Variants in ATRNL1 observed in about 807,000 individuals in gnomAD.
ATRNL1 encodes attractin-like protein 1.
A neutral mutation model predicts 182.7 loss-of-function variants in ATRNL1; 95 were observed. That is an observed-to-expected ratio of 0.52 (90% confidence interval 0.44 to 0.62). The LOEUF (loss-of-function observed/expected upper bound fraction) is 0.62, where lower values mean the gene tolerates loss of function less well. Among genes scored for constraint, ATRNL1 ranks in the 20% least tolerant of loss-of-function variants. ATRNL1 has a pLI of 0.00. For synonymous variants in ATRNL1, 576 were observed against 568.3 expected, an observed-to-expected ratio of 1.01 and a Z score of -0.19; for missense variants, 1,471 against 1,679.5, an observed-to-expected ratio of 0.88 and a Z score of 2.17.
At chr10:115,394,899 A>C in intron 20 of ATRNL1, 147 bp downstream of exon 20, 1 of 637,822 alleles carries the variant, frequency 1.6e-6, no homozygotes, top group Non-Finnish European at 2.7e-6. Context: ...TTGAGGGTAC[A>C]TGTGCAGGTT....
intron 25 of ATRNL1, among the ~76,000 whole-genome samples, chr10:115,534,060 C>G (rs1190117994): frequency 6.6e-6 from 1 of 151,596 alleles, no homozygotes; most frequent in African/African-American, 2.4e-5. Flanking sequence ...TGGTGTGGTG[C>G]TGAAAAAAAT....
intron 19 of ATRNL1, among the ~76,000 whole-genome samples, chr10:115,373,403 A>G (rs1857496767): frequency 6.6e-6 from 1 of 152,038 alleles, no homozygotes; most frequent in Non-Finnish European, 1.5e-5. Context: ...ATTATGTTGA[A>G]TAGAAGTGGT....
intron 27 of ATRNL1, among the ~76,000 whole-genome samples, chr10:115,832,836 A>G (rs1208495548): frequency 6.6e-6 from 1 of 152,032 alleles, no homozygotes; most frequent in Non-Finnish European, 1.5e-5. Context: ...TTTATCTGAT[A>G]CTCACACCTG....
chr10:115,669,870 G>A (rs1555040841), intron 26 of ATRNL1, among the ~76,000 whole-genome samples: 1 of 152,020 alleles, frequency 6.6e-6, no homozygotes, highest in Non-Finnish European at 1.5e-5. Flanking sequence ...ATTCCCAGCT[G>A]AATGTAAAAA....
intron 26 of ATRNL1, among the ~76,000 whole-genome samples, chr10:115,656,412 T>C (rs2133892655): frequency 6.6e-6 from 1 of 152,320 alleles, no homozygotes; most frequent in East Asian, 1.9e-4. Context: ...ATTCTCTGGC[T>C]ACTCCAGTTT....
At chr10:115,754,710 T>C (rs141222174) in intron 27 of ATRNL1, among the ~76,000 whole-genome samples, 18 of 152,138 alleles carry the variant, frequency 1.2e-4, no homozygotes, top group African/African-American at 4.1e-4. Context: ...GTGAAGAAAG[T>C]CATTGGTAGC....
intron 28 of ATRNL1, among the ~76,000 whole-genome samples, chr10:115,887,304 A>G (rs1186847503): frequency 1.3e-5 from 2 of 152,180 alleles, no homozygotes; most frequent in African/African-American, 4.8e-5. Context: ...AAAATATTAC[A>G]AAATATCATA....
intron 28 of ATRNL1, among the ~76,000 whole-genome samples, chr10:115,910,220 G>A (rs1395539032): frequency 6.6e-5 from 10 of 152,192 alleles, no homozygotes; most frequent in Non-Finnish European, 1.5e-4. Flanking sequence ...AAGCCACAAG[G>A]TCAGAGGAAA....
intron 24 of ATRNL1, among the ~76,000 whole-genome samples, chr10:115,512,149 C>T (rs571680409): frequency 5.3e-4 from 81 of 151,930 alleles, no homozygotes; most frequent in African/African-American, 1.9e-3. Flanking sequence ...ATGTTCTAGC[C>T]ATGGCATCAA....
intron 26 of ATRNL1, among the ~76,000 whole-genome samples, chr10:115,626,319 T>C (rs1858098650): frequency 6.6e-6 from 1 of 152,206 alleles, no homozygotes. Context: ...ATTATATATG[T>C]TGCTCAGTGG....
intron 19 of ATRNL1, among the ~76,000 whole-genome samples, chr10:115,364,988 G>C (rs1163760435): frequency 2.0e-5 from 3 of 150,202 alleles, no homozygotes; most frequent in Admixed American, 6.6e-5. Context: ...TCTCTTTTTT[G>C]GTTGTGTCTC....
chr10:115,864,946 C>G (rs1951402845), intron 28 of ATRNL1, among the ~76,000 whole-genome samples: 1 of 150,488 alleles, frequency 6.6e-6, no homozygotes, highest in Admixed American at 6.6e-5. Context: ...GGTGCCATTG[C>G]ACTCCAGCCT....
In ATRNL1 at chr10:115,097,473, G is replaced by A. The variant is rs533123238; in HGVS notation, c.293+3430G>A. Among the ~76,000 whole-genome samples, 12 of 152,258 alleles carry A rather than the reference G, an allele frequency of 7.9e-5. No homozygotes were observed. In the South Asian group the frequency reaches 2.5e-3, roughly 31 times the overall value. On this transcript the variant is annotated intron_variant, in intron 1 of 28. Coordinates refer to ENST00000355044, the MANE Select transcript of ATRNL1 (RefSeq NM_207303.4). ...TGCGCTCCAGCTTGGGTATCAGAGC[G>A]AGACTCTTCTTAAAAATTTATATAT...
chr10:115,239,788 G>A (rs1263788422), intron 9 of ATRNL1, among the ~76,000 whole-genome samples: 2 of 152,132 alleles, frequency 1.3e-5, no homozygotes, highest in Non-Finnish European at 2.9e-5. Flanking sequence ...TGGAATTAGT[G>A]TATAGCTACC....
chr10:115,432,709 T>A (rs1293130223), intron 21 of ATRNL1, among the ~76,000 whole-genome samples: 9 of 152,100 alleles, frequency 5.9e-5, no homozygotes, highest in Admixed American at 5.9e-4. Flanking sequence ...AGGGAAAACG[T>A]TCAAACAGTG....
At chr10:115,939,893 A>C (rs1414722185) in intron 28 of ATRNL1, among the ~76,000 whole-genome samples, 1 of 152,184 alleles carries the variant, frequency 6.6e-6, no homozygotes, top group Non-Finnish European at 1.5e-5. Context: ...TGTGCCAAAA[A>C]TGGCAACACA....
chr10:115,226,910 C>G (rs1407261473), intron 9 of ATRNL1, among the ~76,000 whole-genome samples: 3 of 152,138 alleles, frequency 2.0e-5, no homozygotes, highest in African/African-American at 7.2e-5. Context: ...TACCTTTCAA[C>G]ATATACAAAA....
intron 24 of ATRNL1, among the ~76,000 whole-genome samples, chr10:115,480,710 A>G (rs1848726557): frequency 6.6e-6 from 1 of 151,158 alleles, no homozygotes; most frequent in Non-Finnish European, 1.5e-5. Context: ...CAAGGAAGAT[A>G]TATTACATTT....
At chr10:115,493,643 G>T (rs1317153658) in intron 24 of ATRNL1, among the ~76,000 whole-genome samples, 9 of 152,144 alleles carry the variant, frequency 5.9e-5, no homozygotes, top group Non-Finnish European at 1.3e-4. Context: ...TAATGGGATT[G>T]CTGGGTTGAA....
Sources: allele counts gnomAD v4.1 joint callset (sites outside exome capture counted in the v4.1 genomes callset), GRCh38; gene constraint gnomAD v4.1.1; transcripts MANE v1.5; gene names NCBI Gene and HGNC (gene_info 2026-07-23, HGNC 2026-07-21).